The following ARHGEF28 variants were observed in gnomAD, a reference collection of about 807,000 sequenced individuals.
ARHGEF28 encodes 190 kDa guanine nucleotide exchange factor.
A neutral mutation model predicts 206.6 loss-of-function variants in ARHGEF28; 152 were observed. The observed-to-expected ratio is 0.74, with a 90% CI of 0.64 to 0.84. The LOEUF is 0.84. Among genes scored for constraint, ARHGEF28 ranks in the 40% least tolerant of loss-of-function variants. The pLI is 0.00. For synonymous variants in ARHGEF28, 763 were observed against 776.4 expected (o/e 0.98, Z 0.29); for missense variants, 2,028 against 2,073.2 (o/e 0.98, Z 0.42).
chr5:73,928,348 G>A (rs1763931220), intron 35 of ARHGEF28, among the ~76,000 whole-genome samples: 6 of 152,046 alleles, frequency 3.9e-5, no homozygotes, highest in Admixed American at 3.3e-4. Flanking sequence ...CCCGGGAGGT[G>A]GAGGTTGCAG....
rs1742588601 is a variant in ARHGEF28 at position 73,941,097 on chromosome 5, TTGTC to T, written c.*88_*91del. On this transcript the variant is annotated 3_prime_UTR_variant, in exon 36 of 36. Transcript: ENST00000513042. ...GTCTCCATTCCTTATGTATGTGTGA[TTGTC>T]TGTGTCCAAATTGCTTTAAGAATAA... 2.4e-6 allele frequency: 3 copies of T among 1,262,818 alleles called. No individual in the cohort carries two copies. The highest frequency in any genetic ancestry group is 3.1e-6 in the Non-Finnish European group (3 of 977,592). The allele number at this position is 1,262,818 out of a possible 1,614,324, so 78.2% of individuals were successfully genotyped here.
chr5:73,708,908 T>A (rs757188255), intron 2 of ARHGEF28, among the ~76,000 whole-genome samples: 4 of 152,236 alleles, frequency 2.6e-5, no homozygotes, highest in Non-Finnish European at 4.4e-5. Flanking sequence ...CCATTCTGAC[T>A]GGTGTGAGAT....
chr5:73,850,103 T>TTTTTTTTTTTTTTTTTTTTGA (rs1452621978), intron 13 of ARHGEF28, among the ~76,000 whole-genome samples: 1 of 151,356 alleles, frequency 6.6e-6, no homozygotes, highest in Non-Finnish European at 1.5e-5. Context: ...TGCATTTTTA[T>TTTTTTTTTTTTTTTTTTTTGA]GCCATGCAGA....
chr5:73,923,853 C>T (rs1386237253), intron 35 of ARHGEF28, among the ~76,000 whole-genome samples: 2 of 151,960 alleles, frequency 1.3e-5, no homozygotes, highest in East Asian at 3.9e-4. Context: ...TTAACACTAA[C>T]CCAGAAAAAA....
At chr5:73,800,860 A>T (rs1008237754) in intron 9 of ARHGEF28, among the ~76,000 whole-genome samples, 11 of 152,200 alleles carry the variant, frequency 7.2e-5, no homozygotes, top group Admixed American at 6.5e-4. Flanking sequence ...AAATGACTGG[A>T]AGAACCAAAG....
intron 35 of ARHGEF28, among the ~76,000 whole-genome samples, chr5:73,918,985 T>C (rs1763371718): frequency 6.6e-6 from 1 of 152,216 alleles, no homozygotes; most frequent in African/African-American, 2.4e-5. Context: ...CCTGGGATAC[T>C]GGACTTGATA....
At chr5:73,917,942 T>G (rs1270986388) in intron 35 of ARHGEF28, among the ~76,000 whole-genome samples, 1 of 152,202 alleles carries the variant, frequency 6.6e-6, no homozygotes, top group African/African-American at 2.4e-5. Flanking sequence ...CAAACATAAC[T>G]GAAGGATGAG....
chr5:73,912,534 A>G (rs1762965713), intron 35 of ARHGEF28, among the ~76,000 whole-genome samples: 1 of 152,228 alleles, frequency 6.6e-6, no homozygotes, highest in Non-Finnish European at 1.5e-5. Context: ...ACTGCTTATA[A>G]GTTGATTTAT....
chr5:73,747,897 C>T (rs955965850), intron 2 of ARHGEF28, among the ~76,000 whole-genome samples: 1 of 152,168 alleles, frequency 6.6e-6, no homozygotes. Flanking sequence ...CAATTAAACT[C>T]TCATAAGCTG....
chr5:73,884,492 C>G (rs1272178302), intron 24 of ARHGEF28, among the ~76,000 whole-genome samples: 1 of 152,132 alleles, frequency 6.6e-6, no homozygotes, highest in African/African-American at 2.4e-5. Flanking sequence ...TAAATAAAAA[C>G]ATATCAATGC....
chr5:73,870,055 T>C lies in ARHGEF28; in HGVS notation c.2426-14T>C. On this transcript the variant is annotated splice_polypyrimidine_tract_variant and intron_variant, in intron 20 of 35. Coordinates refer to ENST00000513042, the MANE Select transcript of ARHGEF28 (RefSeq NM_001177693.2). ...TATTGTACTTCTGGCTTTTCTTTTC[T>C]AAACACACATTAGATGTTGTGGATT... 6.2e-7 allele frequency: 1 copy of C among 1,606,656 alleles called. No homozygotes were observed. The highest frequency in any genetic ancestry group is 1.3e-5 in the African/African-American group (1 of 74,366).
chr5:73,916,479 C>T (rs549626055), intron 35 of ARHGEF28, among the ~76,000 whole-genome samples: 1 of 152,134 alleles, frequency 6.6e-6, no homozygotes, highest in Non-Finnish European at 1.5e-5. Context: ...GTGTTGGCAG[C>T]GTTGGTTTCT....
chr5:73,661,898 A>G (rs1745618635), intron 1 of ARHGEF28, among the ~76,000 whole-genome samples: 1 of 152,250 alleles, frequency 6.6e-6, no homozygotes, highest in African/African-American at 2.4e-5. Context: ...AAAATGTGAC[A>G]CAGAGACACG....
chr5:73,802,227 T>C (rs1223444601), intron 9 of ARHGEF28, among the ~76,000 whole-genome samples: 1 of 119,126 alleles, frequency 8.4e-6, no homozygotes, highest in Non-Finnish European at 1.7e-5. Context: ...CCTTTAAAAG[T>C]TAATTATTTT....
At chr5:73,632,232 G>A (rs1194819131) in intron 1 of ARHGEF28, among the ~76,000 whole-genome samples, 1 of 152,180 alleles carries the variant, frequency 6.6e-6, no homozygotes, top group East Asian at 1.9e-4. Flanking sequence ...GGCAAAGTTT[G>A]CTCAGGAATT....
intron 20 of ARHGEF28, among the ~76,000 whole-genome samples, chr5:73,869,464 A>G (rs1415549176): frequency 6.6e-6 from 1 of 152,198 alleles, no homozygotes; most frequent in East Asian, 1.9e-4. Context: ...AGGTTACCAA[A>G]AATAAAACTA....
chr5:73,874,129 T>C (rs1760283379), intron 22 of ARHGEF28, among the ~76,000 whole-genome samples: 1 of 152,216 alleles, frequency 6.6e-6, no homozygotes, highest in Admixed American at 6.5e-5. Flanking sequence ...GCTAATGATA[T>C]TAAATATCTT....
intron 35 of ARHGEF28, among the ~76,000 whole-genome samples, chr5:73,931,334 TA>T (rs1336918994): frequency 7.9e-5 from 12 of 152,342 alleles, no homozygotes; most frequent in African/African-American, 2.9e-4. Context: ...GGTCTTTCGT[TA>T]AAGTCATTTT....
At chr5:73,915,491 C>T (rs411585) in intron 35 of ARHGEF28, among the ~76,000 whole-genome samples, 37,788 of 152,040 alleles carry the variant, frequency 0.25, 5,965 homozygotes, top group East Asian at 0.54. Context: ...AGATGGTTGG[C>T]TTAAGAACTT....
Sources: allele counts gnomAD v4.1 joint callset (sites outside exome capture counted in the v4.1 genomes callset), GRCh38; gene constraint gnomAD v4.1.1; transcripts MANE v1.5; gene names NCBI Gene and HGNC (gene_info 2026-07-23, HGNC 2026-07-21).